Variants in NAALADL2 observed in about 807,000 individuals in gnomAD.
The protein encoded by NAALADL2 is N-acetylated alpha-linked acidic dipeptidase like 2, also known as inactive N-acetylated-alpha-linked acidic dipeptidase-like protein 2.
A neutral mutation model predicts 87.2 loss-of-function variants in NAALADL2; 76 were observed. That is an observed-to-expected ratio of 0.87 (90% CI 0.72 to 1.05). The LOEUF is 1.05. Ranked by LOEUF, NAALADL2 falls within the 50% of genes least tolerant of loss-of-function variation. NAALADL2 has a pLI of 0.00. For synonymous variants in NAALADL2, 354 were observed against 331.0 expected (o/e 1.07, Z -0.75); for missense variants, 1,089 against 945.8 (o/e 1.15, Z -1.99).
intron 4 of NAALADL2, among the ~76,000 whole-genome samples, chr3:175,283,257 G>A (rs2110092807): frequency 6.6e-6 from 1 of 152,204 alleles, no homozygotes; most frequent in Non-Finnish European, 1.5e-5. Flanking sequence ...GAGTGACCAG[G>A]TAGGCAGGAA....
rs192184344 is a variant in NAALADL2, at chr3:175,659,323, G to C, written c.1896+31937G>C. On this transcript the variant is annotated intron_variant, in intron 11 of 13. Coordinates refer to ENST00000454872, the MANE Select transcript of NAALADL2 (RefSeq NM_207015.3). ...CCTGTTACTATAGCATAATTTTTCT[G>C]AATGGGCAATCAGATTTATCACAAC... is the stretch of plus-strand genomic sequence containing the variant. 6.6e-5 allele frequency among the ~76,000 whole-genome samples: 10 copies of C among 152,206 alleles called. No individual in the cohort carries two copies. The East Asian group carries it at 1.9e-3, about 29-fold the overall frequency.
chr3:174,717,243 T>C (rs1359536080), intron 2 of NAALADL2, among the ~76,000 whole-genome samples: 1 of 152,066 alleles, frequency 6.6e-6, no homozygotes, highest in South Asian at 2.1e-4. Context: ...TGACTCTCTA[T>C]TTTTTTAATT....
chr3:174,498,400 A>G (rs147172691), intron 1 of NAALADL2, among the ~76,000 whole-genome samples: 39 of 152,048 alleles, frequency 2.6e-4, no homozygotes, highest in Non-Finnish European at 5.0e-4. Context: ...ATTCCATTGT[A>G]TAGATAAGCT....
At chr3:175,170,281 G>A (rs1269581830) in intron 2 of NAALADL2, among the ~76,000 whole-genome samples, 2 of 150,896 alleles carry the variant, frequency 1.3e-5, no homozygotes, top group Non-Finnish European at 3.0e-5. Flanking sequence ...ATTTGCAGAA[G>A]GATTTTCTGT....
At chr3:174,648,280 G>A (rs763560006) in intron 2 of NAALADL2, among the ~76,000 whole-genome samples, 1 of 151,222 alleles carries the variant, frequency 6.6e-6, no homozygotes, top group African/African-American at 2.4e-5. Context: ...CTGAGATCAC[G>A]CCATTGCACT....
At chr3:174,934,742 A>G (rs1468187243) in intron 1 of NAALADL2, among the ~76,000 whole-genome samples, 3 of 152,180 alleles carry the variant, frequency 2.0e-5, no homozygotes, top group Non-Finnish European at 4.4e-5. Flanking sequence ...AACAACAACA[A>G]CAACAACAAA....
In NAALADL2 at chr3:174,582,254, AT is replaced by A. The variant is rs1160179752; in HGVS notation, c.-115+31618del. 1.2e-4 allele frequency among the ~76,000 whole-genome samples: 19 copies of A among 152,298 alleles called. No homozygotes were observed. In the East Asian group the frequency reaches 3.7e-3, roughly 29 times the overall value. ...GTACATAGAATGGACTATAGAATAA[AT>A]GGGGTTGAAGAAGTGGAGACAACTA... On this transcript the variant is annotated intron_variant, in intron 2 of 3. Coordinates refer to the NAALADL2 transcript ENST00000434257.
At chr3:174,712,484 T>A (rs971898020) in intron 2 of NAALADL2, among the ~76,000 whole-genome samples, 1 of 141,006 alleles carries the variant, frequency 7.1e-6, no homozygotes, top group African/African-American at 2.6e-5. Flanking sequence ...ACCTCCCGGG[T>A]TCATGCCATT....
chr3:175,306,532 C>T (rs1489468804), intron 4 of NAALADL2, among the ~76,000 whole-genome samples: 1 of 152,122 alleles, frequency 6.6e-6, no homozygotes, highest in Non-Finnish European at 1.5e-5. Context: ...TCCAAAGCGG[C>T]CAGACGCGGT....
rs1396348514 is a variant in NAALADL2 at position 175,097,134 on chromosome 3, T to G, written c.388T>G (p.Cys130Gly). 1.9e-6 allele frequency: 3 copies of G among 1,613,726 alleles called. No individual in the cohort carries two copies. The highest frequency in any genetic ancestry group is 2.5e-6 in the Non-Finnish European group (3 of 1,179,748). ...CTTTTGCCACGTCTTAAAAATACTT[T>G]GCACAGCCACCATTTTATTTATTTT... The part of the protein sequence containing the change: ...CNFCHVLKIL[C>G]TATILFIFGI... The change falls in exon 2 of 14, where the codon TGC becomes GGC. Residue 130 changes from cysteine to glycine, a missense_variant. Transcript: ENST00000454872.
rs941215626 is a variant in NAALADL2, at chr3:175,428,148, T to A, written c.1091-19081T>A. Among the ~76,000 whole-genome samples, 26 of 152,134 alleles carry A rather than the reference T, an allele frequency of 1.7e-4. 1 individual carries two copies. Among genetic ancestry groups the A allele is most frequent in the African/African-American group, 5.5e-4 (23 of 41,442 alleles). Reference sequence around the variant, plus strand: ...ACCCCCAAATGTTCAAACTTGTTTTTGTATCTTATATTTATAAAAAAACTA... The same window carrying A: ...ACCCCCAAATGTTCAAACTTGTTTTAGTATCTTATATTTATAAAAAAACTA... On this transcript the variant is annotated intron_variant, in intron 5 of 13. Transcript: ENST00000454872.
chr3:175,384,081 G>T (rs1231280058), intron 5 of NAALADL2, among the ~76,000 whole-genome samples: 1 of 151,910 alleles, frequency 6.6e-6, no homozygotes, highest in Non-Finnish European at 1.5e-5. Flanking sequence ...TTTTGTAATA[G>T]CTGAGTAATG....
chr3:175,709,596 A>G (rs1369910740), intron 11 of NAALADL2, among the ~76,000 whole-genome samples: 2 of 152,148 alleles, frequency 1.3e-5, no homozygotes, highest in Non-Finnish European at 2.9e-5. Flanking sequence ...AAAGCGTATT[A>G]CGCTGGAAAT....
At chr3:174,498,341 A>G (rs747103736) in intron 1 of NAALADL2, among the ~76,000 whole-genome samples, 17 of 151,974 alleles carry the variant, frequency 1.1e-4, no homozygotes, top group Non-Finnish European at 1.9e-4. Flanking sequence ...ATTCATGCAT[A>G]TCATTGTGTA....
At chr3:175,634,255 T>C (rs901054832) in intron 11 of NAALADL2, among the ~76,000 whole-genome samples, 1 of 151,954 alleles carries the variant, frequency 6.6e-6, no homozygotes, top group African/African-American at 2.4e-5. Flanking sequence ...GTCTCTTTGA[T>C]TAATAGATTT....
intron 2 of NAALADL2, among the ~76,000 whole-genome samples, chr3:175,209,371 T>C (rs1387290385): frequency 6.6e-6 from 1 of 152,124 alleles, no homozygotes; most frequent in African/African-American, 2.4e-5. Context: ...GAGAAGTACA[T>C]TTCTTTGAAG....
At chr3:175,532,117 G>A (rs1242446884) in intron 9 of NAALADL2, among the ~76,000 whole-genome samples, 2 of 152,274 alleles carry the variant, frequency 1.3e-5, no homozygotes, top group East Asian at 3.9e-4. Context: ...TGGAACTGGG[G>A]AAATGACCAC....
intron 2 of NAALADL2, among the ~76,000 whole-genome samples, chr3:174,709,316 A>G (rs369015086): frequency 9.2e-5 from 14 of 152,246 alleles, no homozygotes; most frequent in East Asian, 7.7e-4. Flanking sequence ...TGTGTCTTTC[A>G]TCATGTTCAT....
At chr3:174,559,384 T>C (rs936822615) in intron 2 of NAALADL2, among the ~76,000 whole-genome samples, 20 of 152,138 alleles carry the variant, frequency 1.3e-4, no homozygotes, top group Non-Finnish European at 2.9e-5. Flanking sequence ...ATTGAAGTAA[T>C]TTGCTTAAGG....
Sources: gnomAD v4.1 joint callset for allele counts (sites outside exome capture counted in the v4.1 genomes callset) on GRCh38, gnomAD v4.1.1 for gene constraint, MANE v1.5 for transcripts, NCBI Gene and HGNC (gene_info 2026-07-23, HGNC 2026-07-21) for gene names.